The following TBC1D5 variants were observed in gnomAD, a reference collection of about 807,000 sequenced individuals.
TBC1D5 encodes TBC1 domain family member 5, also known as TBC1 domain family, member 5.
In TBC1D5, 75 loss-of-function variants were observed where a neutral mutation model predicts 100.3. The ratio of observed to expected loss-of-function variants is 0.75; its 90% CI spans 0.62 to 0.91. The LOEUF (loss-of-function observed/expected upper bound fraction) is 0.91. TBC1D5 is among the 40% of genes least tolerant of loss of function. The probability of loss-of-function intolerance (pLI) is 0.00; values close to 1 mark genes in which losing one functional copy is unlikely to be tolerated. For missense variants in TBC1D5, 910 were observed against 942.4 expected (o/e 0.97, Z 0.45); for synonymous variants, 323 against 325.6 (o/e 0.99, Z 0.09).
At chr3:17,476,286 T>G (rs2095437101) in intron 3 of TBC1D5, among the ~76,000 whole-genome samples, 1 of 152,010 alleles carries the variant, frequency 6.6e-6, no homozygotes, top group Non-Finnish European at 1.5e-5. Context: ...CACATTTAAG[T>G]TTTTAATTTA....
At chr3:17,161,209 G>A (rs1296040530) in exon 22 of TBC1D5, 2 of 1,614,174 alleles carry the variant, frequency 1.2e-6, no homozygotes, top group South Asian at 2.2e-5. Flanking sequence ...TCAGGATGAA[G>A]TCATCGGAAT....
At chr3:17,486,608 C>CT (rs1405451582) in intron 3 of TBC1D5, among the ~76,000 whole-genome samples, 1 of 152,148 alleles carries the variant, frequency 6.6e-6, no homozygotes, top group Non-Finnish European at 1.5e-5. Flanking sequence ...CTGGCAAAAA[C>CT]TTTAAGAATC....
At chr3:17,501,997 T>A (rs948805736) in intron 3 of TBC1D5, among the ~76,000 whole-genome samples, 5 of 149,658 alleles carry the variant, frequency 3.3e-5, no homozygotes, top group African/African-American at 1.3e-4. Context: ...TGATATCTCA[T>A]TCAACTCTGC....
chr3:17,301,025 C>CTGTT lies in TBC1D5; in HGVS notation c.1138+6966_1138+6967insAACA, dbSNP rs1301023206. On this transcript the variant is annotated intron_variant, in intron 14 of 21. Transcript: ENST00000253692. Reference sequence around the variant, plus strand: ...GGTGGAATTGCAGTGAGCCAGATGGCACCACTGCACTCAGTCTGTGTAACA... The same window carrying CTGTT: ...GGTGGAATTGCAGTGAGCCAGATGGCTGTTACCACTGCACTCAGTCTGTGTAACA... Among the ~76,000 whole-genome samples the CTGTT allele has an allele frequency of 1.2e-4, 18 of 147,312 alleles. No homozygotes were observed. The East Asian group carries it at 3.6e-3, about 29-fold the overall frequency.
intron 1 of TBC1D5, among the ~76,000 whole-genome samples, chr3:17,714,135 T>A (rs2075019137): frequency 6.6e-6 from 1 of 152,158 alleles, no homozygotes; most frequent in African/African-American, 2.4e-5. Flanking sequence ...AATTATTGTG[T>A]ATATCTGTTC....
Position 17,214,444 on chromosome 3 carries a change from T to A in TBC1D5, c.1589-74A>T, listed in dbSNP as rs2073380661. ...AAGCTATTCGATCTACTGTTTTTAA[T>A]AAATGATGATCAATTATGATGCCAC... On this transcript the variant is annotated intron_variant, in intron 17 of 21. Coordinates refer to ENST00000253692, the Ensembl canonical transcript of TBC1D5. 98 of 1,465,450 alleles carry A rather than the reference T, an allele frequency of 6.7e-5. 3 individuals carry two copies. In the South Asian group the frequency reaches 1.1e-3, roughly 17 times the overall value. 90.8% of individuals were successfully genotyped at this position (1,465,450 alleles called of 1,614,324 possible).
exon 1 of TBC1D5, chr3:17,740,370 T>C: frequency 6.6e-6 from 1 of 151,976 alleles, no homozygotes. Flanking sequence ...GTAAAGCACT[T>C]ACAACAGTGT....
rs534983429 is a variant in TBC1D5 at position 17,735,687 on chromosome 3, T to C, written c.-101+3656A>G. On this transcript the variant is annotated intron_variant, in intron 1 of 21. Transcript: ENST00000253692. Reference sequence around the variant, plus strand: ...TAGGACGAACCCAGGCATTTAGCCATGCAAGAACAATGGCGAGTCTTTAGC... The same window carrying C: ...TAGGACGAACCCAGGCATTTAGCCACGCAAGAACAATGGCGAGTCTTTAGC... Among the ~76,000 whole-genome samples, 5 of 152,290 alleles carry C rather than the reference T, an allele frequency of 3.3e-5. No individual in the cohort carries two copies. The South Asian group carries it at 6.2e-4, about 19-fold the overall frequency.
chr3:17,413,695 G>C (rs1459778520), intron 4 of TBC1D5, among the ~76,000 whole-genome samples: 1 of 151,984 alleles, frequency 6.6e-6, no homozygotes, highest in Non-Finnish European at 1.5e-5. Flanking sequence ...TGACTAGAAG[G>C]CTTCTGAATC....
At chr3:17,526,653 T>C (rs989210892) in intron 2 of TBC1D5, among the ~76,000 whole-genome samples, 7 of 152,220 alleles carry the variant, frequency 4.6e-5, no homozygotes, top group African/African-American at 1.4e-4. Context: ...GTGAAGATTA[T>C]ATGAATATCC....
intron 1 of TBC1D5, chr3:17,672,421 A>G (rs534297965): frequency 1.4e-4 from 21 of 152,212 alleles, no homozygotes; most frequent in Non-Finnish European, 1.9e-4. Context: ...AAGCAAAACC[A>G]TGTCTTATTT....
chr3:17,165,009 C>T (rs1002895229), intron 21 of TBC1D5, among the ~76,000 whole-genome samples: 2 of 152,194 alleles, frequency 1.3e-5, no homozygotes, highest in African/African-American at 4.8e-5. Flanking sequence ...ATTTTATTTT[C>T]ACTTGTGGGG....
intron 3 of TBC1D5, among the ~76,000 whole-genome samples, chr3:17,453,352 T>TA (rs202219258): frequency 3.7e-4 from 55 of 148,328 alleles, no homozygotes; most frequent in African/African-American, 1.1e-3. Flanking sequence ...AACAAAACAA[T>TA]AAAAAAAAAG....
intron 1 of TBC1D5, among the ~76,000 whole-genome samples, chr3:17,633,299 G>A (rs1364762234): frequency 1.3e-5 from 2 of 152,154 alleles, no homozygotes; most frequent in South Asian, 4.1e-4. Flanking sequence ...TTAGCCAGGT[G>A]TGGTGGTGCA....
At chr3:17,423,802 AT>A (rs1342266420) in intron 4 of TBC1D5, among the ~76,000 whole-genome samples, 1 of 152,184 alleles carries the variant, frequency 6.6e-6, no homozygotes, top group Non-Finnish European at 1.5e-5. Flanking sequence ...ATAATCTACA[AT>A]GATTTATATT....
At chr3:17,706,727 TGA>T (rs1364349479) in intron 1 of TBC1D5, among the ~76,000 whole-genome samples, 2 of 151,960 alleles carry the variant, frequency 1.3e-5, no homozygotes, top group African/African-American at 4.8e-5. Context: ...ATTATATATT[TGA>T]GTTTAAATTA....
intron 1 of TBC1D5, among the ~76,000 whole-genome samples, chr3:17,625,265 C>T (rs967556777): frequency 6.6e-6 from 1 of 151,922 alleles, no homozygotes; most frequent in Admixed American, 6.6e-5. Flanking sequence ...TTCAGCACTT[C>T]AAGAACTCTG....
intron 13 of TBC1D5, among the ~76,000 whole-genome samples, chr3:17,326,211 A>T (rs1231997584): frequency 6.6e-6 from 1 of 152,230 alleles, no homozygotes; most frequent in Non-Finnish European, 1.5e-5. Flanking sequence ...TGAAATAACT[A>T]ATCAAAGAGA....
chr3:17,706,326 C>T, intron 1 of TBC1D5: 1 of 1,406,614 alleles, frequency 7.1e-7, no homozygotes, highest in Non-Finnish European at 9.5e-7. Context: ...GAACTGTATA[C>T]CTTTGTGAAA....
Sources: allele counts gnomAD v4.1 joint callset (sites outside exome capture counted in the v4.1 genomes callset), GRCh38; gene constraint gnomAD v4.1.1; transcripts MANE v1.5; gene names NCBI Gene and HGNC (gene_info 2026-07-23, HGNC 2026-07-21).